Variants in IGSF3 observed in about 807,000 individuals in gnomAD.
The protein encoded by IGSF3 is immunoglobulin superfamily member 3.
IGSF3 carries 23 observed loss-of-function variants against 114.4 expected under a neutral mutation model. The ratio of observed to expected loss-of-function variants is 0.20; its 90% CI spans 0.14 to 0.28. The LOEUF (loss-of-function observed/expected upper bound fraction) is 0.28, where lower values mean the gene tolerates loss of function less well. Among genes scored for constraint, IGSF3 ranks in the 10% least tolerant of loss-of-function variants. The pLI is 1.00. For missense variants in IGSF3, 1,172 were observed against 1,591.5 expected (o/e 0.74, Z 4.48); for synonymous variants, 571 against 645.2 (o/e 0.88, Z 1.74).
In IGSF3 at chr1:116,582,620, G is replaced by A. The variant is rs1374662854; in HGVS notation, c.2848+2025C>T. On this transcript the variant is annotated intron_variant, in intron 9 of 10. Transcript: ENST00000369486. The surrounding 1 kb of genome is among the most constrained non-coding windows in gnomAD (Gnocchi z 4.7). ...CGAAAAAAATCTTTGAAGTACGTCT[G>A]CACAATGAATGTTATGAAACCAGTA... 6.6e-6 allele frequency among the ~76,000 whole-genome samples: 1 copy of A among 152,190 alleles called. No homozygotes were observed. Among genetic ancestry groups the A allele is most frequent in the Non-Finnish European group, 1.5e-5 (1 of 68,040 alleles).
chr1:116,617,368 G>C, intron 2 of IGSF3: 7 of 985,390 alleles, frequency 7.1e-6, no homozygotes, highest in Non-Finnish European at 8.4e-6. Context: ...CACTCAGAAG[G>C]CGGGAGGGGG....
chr1:116,616,111 A>C lies in IGSF3; in HGVS notation c.390T>G (p.Phe130Leu), dbSNP rs913477302. The change falls in exon 3 of 11, where the codon TTT becomes TTG. Residue 130 changes from phenylalanine to leucine, a missense_variant. Physicochemically the swap from Phe to Leu is conservative, Grantham distance 22 (BLOSUM62 0). Around this residue, in one of 3 missense-constraint regions of IGSF3, gnomAD observed 736 missense variants for 1,042.0 expected, o/e 0.71. Coordinates refer to ENST00000369486, the MANE Select transcript of IGSF3 (RefSeq NM_001007237.3). The surrounding 1 kb of genome is among the most constrained non-coding windows in gnomAD (Gnocchi z 6.6). ...CHTPSTDKQYFGSYSAKMNLV... is the reference protein window; with the variant it reads ...CHTPSTDKQYLGSYSAKMNLV... ...GGTTCATCTTTGCACTGTAACTCCC[A>C]AAGTATTGCTTATCAGTGCTGGGTG... 6.2e-7 allele frequency: 1 copy of C among 1,608,372 alleles called. No homozygotes were observed. The highest frequency in any genetic ancestry group is 1.3e-5 in the African/African-American group (1 of 74,960).
rs987482371 is a variant in IGSF3, at chr1:116,599,897, C to T, written c.2029+44G>A. 2.2e-5 allele frequency: 35 copies of T among 1,568,308 alleles called. 1 individual carries two copies. The highest frequency in any genetic ancestry group is 2.7e-5 in the African/African-American group (2 of 74,166). Reference sequence around the variant, plus strand: ...CACCTTTCTTTTTCCCTCACGTCTGCTCAGGCAGCATGGGCACATAGCCCA... The same window carrying T: ...CACCTTTCTTTTTCCCTCACGTCTGTTCAGGCAGCATGGGCACATAGCCCA... On this transcript the variant is annotated intron_variant, in intron 7 of 10. Coordinates refer to ENST00000369486, the MANE Select transcript of IGSF3 (RefSeq NM_001007237.3).
intron 2 of IGSF3, among the ~76,000 whole-genome samples, chr1:116,653,953 G>T (rs1344199771): frequency 6.6e-6 from 1 of 152,208 alleles, no homozygotes; most frequent in East Asian, 1.9e-4. Flanking sequence ...AGATTGTAAC[G>T]TTGTTCAGCA....
In IGSF3 at chr1:116,634,814, C is replaced by T. The variant is rs1647748613; in HGVS notation, c.44-18357G>A. Among the ~76,000 whole-genome samples the T allele has an allele frequency of 6.6e-6, 1 of 152,124 alleles. No homozygotes were observed. Among genetic ancestry groups the T allele is most frequent in the African/African-American group, 2.4e-5 (1 of 41,428 alleles). The stretch of plus-strand genomic sequence containing the variant: ...GCTAGGTCACAAACAGGGAACGCAG[C>T]TTCTGCCAGCTCTCCTGGGACACAC... On this transcript the variant is annotated intron_variant, in intron 2 of 10. Coordinates refer to ENST00000369486, the MANE Select transcript of IGSF3 (RefSeq NM_001007237.3). This position sits in a 1 kb window ranked among gnomAD's most constrained non-coding sequence, Gnocchi z 4.2.
At position 116,574,774 on chromosome 1, in the gene IGSF3, C is replaced by A. The variant is rs1018590100; in HGVS notation, c.*2538G>T. ...AAGACTAAAGCTCCAGTAGACAATG[C>A]GCAATGAGGTCTCACAGCCACTGGA... On this transcript the variant is annotated 3_prime_UTR_variant, in exon 11 of 11. Coordinates refer to ENST00000369486, the MANE Select transcript of IGSF3 (RefSeq NM_001007237.3). The surrounding 1 kb of genome is among the most constrained non-coding windows in gnomAD (Gnocchi z 5.2). The A allele has an allele frequency of 4.6e-5, 7 of 152,546 alleles. No homozygotes were observed. The highest frequency in any genetic ancestry group is 1.7e-4 in the African/African-American group (7 of 41,408). 9.4% of individuals were successfully genotyped at this position (152,546 alleles called of 1,614,324 possible).
chr1:116,592,537 T>C lies in IGSF3; in HGVS notation c.2030-3433A>G, dbSNP rs558906948. Among the ~76,000 whole-genome samples, 2 of 152,184 alleles carry C rather than the reference T, an allele frequency of 1.3e-5. No homozygotes were observed. Among genetic ancestry groups the C allele is most frequent in the Non-Finnish European group, 2.9e-5 (2 of 68,046 alleles). ...GTATGGTAGGAGAGGCTGTTGTGTTTGTTACAGGCCAGGATAGGGTGGTTT... is the reference window on the plus strand; with the variant it reads ...GTATGGTAGGAGAGGCTGTTGTGTTCGTTACAGGCCAGGATAGGGTGGTTT... On this transcript the variant is annotated intron_variant, in intron 7 of 10. Transcript: ENST00000369486. The surrounding 1 kb of genome is among the most constrained non-coding windows in gnomAD (Gnocchi z 4.5).
chr1:116,618,351 G>A lies in IGSF3; in HGVS notation c.44-1894C>T, dbSNP rs1263066065. Among the ~76,000 whole-genome samples, 1 of 152,210 alleles carries A rather than the reference G, an allele frequency of 6.6e-6. No homozygotes were observed. ...TGAGGACAACTCATTAGTAATATCA[G>A]TATGTTAAAATATGATGCATAACAT... On this transcript the variant is annotated intron_variant, in intron 2 of 10. Coordinates refer to ENST00000369486, the MANE Select transcript of IGSF3 (RefSeq NM_001007237.3). This position sits in a 1 kb window ranked among gnomAD's most constrained non-coding sequence, Gnocchi z 4.7.
chr1:116,608,483 C>T (rs952273479), intron 4 of IGSF3, 152 bp from the exon 5 acceptor site: 2 of 646,248 alleles, frequency 3.1e-6, no homozygotes, highest in South Asian at 2.0e-5. Flanking sequence ...TAAAATCCAA[C>T]TCAGACCCAG....
At chr1:116,590,180 A>G (rs984214656) in intron 7 of IGSF3, among the ~76,000 whole-genome samples, 1 of 151,968 alleles carries the variant, frequency 6.6e-6, no homozygotes, top group Non-Finnish European at 1.5e-5. Flanking sequence ...CTGCTCCAAA[A>G]ACAGACAAGA....
chr1:116,579,588 G>T lies in IGSF3; in HGVS notation c.3138C>A (p.Gly1046=). 1 of 1,614,158 alleles carries T rather than the reference G, an allele frequency of 6.2e-7. No homozygotes were observed. The highest frequency in any genetic ancestry group is 8.5e-7 in the Non-Finnish European group (1 of 1,180,028). Residue 1046 remains glycine (G), a synonymous_variant, in exon 10 of 11, where the codon GGC becomes GGA. Coordinates refer to ENST00000369486, the MANE Select transcript of IGSF3 (RefSeq NM_001007237.3). This position sits in a 1 kb window ranked among gnomAD's most constrained non-coding sequence, Gnocchi z 6.4. ...VGPDAVFGPE[G]SPWEGRLRFQ... ...AGCGAAGCCTGCCCTCCCAAGGACT[G>T]CCCTCTGGGCCAAAGACAGCATCTG...
intron 2 of IGSF3, 89 bp downstream of exon 2, chr1:116,666,195 T>C (rs369145021): frequency 2.0e-5 from 25 of 1,255,808 alleles, no homozygotes; most frequent in South Asian, 1.9e-4. Context: ...CAAATCCTAG[T>C]GTTGATGAAA....
At position 116,636,369 on chromosome 1, in the gene IGSF3, C is replaced by T. The variant is rs1471667889; in HGVS notation, c.44-19912G>A. ...GTGACAACCTTTCCTGAGCTTAGGA[C>T]AGTTTTCATGCAAACTGGTTCTTCC... is the stretch of plus-strand genomic sequence containing the variant. On this transcript the variant is annotated intron_variant, in intron 2 of 10. Transcript: ENST00000369486. The surrounding 1 kb of genome is among the most constrained non-coding windows in gnomAD (Gnocchi z 4.5). Among the ~76,000 whole-genome samples, 1 of 152,220 alleles carries T rather than the reference C, an allele frequency of 6.6e-6. No individual in the cohort carries two copies. Among genetic ancestry groups the T allele is most frequent in the Admixed American group, 6.5e-5 (1 of 15,284 alleles).
rs1415927646 is a variant in IGSF3, at chr1:116,620,833, G to A, written c.44-4376C>T. 2.0e-5 allele frequency among the ~76,000 whole-genome samples: 3 copies of A among 152,210 alleles called. No homozygotes were observed. The South Asian group carries it at 6.2e-4, about 32-fold the overall frequency. On this transcript the variant is annotated intron_variant, in intron 2 of 10. Transcript: ENST00000369486. ...ATAGCTCACTGCAGCCTTGACCTCC[G>A]AGGCTCAAGTGATCCTCCCACATCA...
Position 116,634,996 on chromosome 1 carries a change from C to T in IGSF3, c.44-18539G>A, listed in dbSNP as rs1199041630. ...CTAGTGTCCCAGCCCCAACCACCAT[C>T]TGACTGTAACCCCATGAAAGACTGA... On this transcript the variant is annotated intron_variant, in intron 2 of 10. Transcript: ENST00000369486. The surrounding 1 kb of genome is among the most constrained non-coding windows in gnomAD (Gnocchi z 4.2). Among the ~76,000 whole-genome samples, 1 of 152,244 alleles carries T rather than the reference C, an allele frequency of 6.6e-6. No individual in the cohort carries two copies.
At chr1:116,597,569 C>T (rs960818529) in intron 7 of IGSF3, among the ~76,000 whole-genome samples, 1 of 152,168 alleles carries the variant, frequency 6.6e-6, no homozygotes, top group African/African-American at 2.4e-5. Flanking sequence ...AAGTAGAGGC[C>T]TCTTAACAGC....
At chr1:116,641,218 C>T (rs928944653) in intron 2 of IGSF3, among the ~76,000 whole-genome samples, 14 of 152,074 alleles carry the variant, frequency 9.2e-5, no homozygotes, top group Non-Finnish European at 1.8e-4. Context: ...AAAAGAAGAA[C>T]GGGGCGTGGT....
chr1:116,592,175 C>T lies in IGSF3; in HGVS notation c.2030-3071G>A, dbSNP rs1660138959. ...CCCAGACCCAGTAAGTCAGAATCTG[C>T]ACTTTAACAAGATCCCCAGGTGATT... On this transcript the variant is annotated intron_variant, in intron 7 of 10. Coordinates refer to ENST00000369486, the MANE Select transcript of IGSF3 (RefSeq NM_001007237.3). The surrounding 1 kb of genome is among the most constrained non-coding windows in gnomAD (Gnocchi z 4.5). Among the ~76,000 whole-genome samples, 1 of 152,166 alleles carries T rather than the reference C, an allele frequency of 6.6e-6. No homozygotes were observed. Among genetic ancestry groups the T allele is most frequent in the South Asian group, 2.1e-4 (1 of 4,834 alleles).
At position 116,576,576 on chromosome 1, in the gene IGSF3, G is replaced by A. The variant is rs1659351697; in HGVS notation, c.*736C>T. 6.6e-6 allele frequency: 1 copy of A among 152,634 alleles called. No individual in the cohort carries two copies. The highest frequency in any genetic ancestry group is 1.5e-5 in the Non-Finnish European group (1 of 68,044). The allele number at this position is 152,634 out of a possible 1,614,324, so 9.5% of individuals were successfully genotyped here. ...TATTTTTTGGCAAGGATGGGATGAA[G>A]CCTTTTTTGCCTCCCTGACAGATAG... On this transcript the variant is annotated 3_prime_UTR_variant, in exon 11 of 11. Transcript: ENST00000369486. This position sits in a 1 kb window ranked among gnomAD's most constrained non-coding sequence, Gnocchi z 4.6.
Sources: allele counts gnomAD v4.1 joint callset (sites outside exome capture counted in the v4.1 genomes callset), GRCh38; gene constraint gnomAD v4.1.1; regional missense constraint gnomAD v4.1.1; non-coding constraint Gnocchi (gnomAD v3.1); transcripts MANE v1.5; gene names NCBI Gene and HGNC (gene_info 2026-07-23, HGNC 2026-07-21).